The following RBFOX1 variants were observed in gnomAD, a reference collection of about 807,000 sequenced individuals.
RBFOX1 encodes RNA binding protein fox-1 homolog 1.
Under a neutral mutation model 57.7 loss-of-function variants are expected in RBFOX1, and 8 were observed. The observed-to-expected ratio is 0.14, with a 90% CI of 0.08 to 0.25. RBFOX1 has a LOEUF of 0.25. RBFOX1 is among the 10% of genes least tolerant of loss of function. The pLI is 1.00. For synonymous variants in RBFOX1, 326 were observed against 222.4 expected (o/e 1.47, Z -4.15); for missense variants, 611 against 548.5 (o/e 1.11, Z -1.14).
chr16:6,843,144 A>G (rs1028806403), intron 3 of RBFOX1, among the ~76,000 whole-genome samples: 1 of 152,138 alleles, frequency 6.6e-6, no homozygotes, highest in Non-Finnish European at 1.5e-5. Context: ...AACATAACAC[A>G]TTTTAAGCAT....
intron 4 of RBFOX1, among the ~76,000 whole-genome samples, chr16:7,147,869 T>C (rs565497456): frequency 3.1e-4 from 47 of 152,306 alleles, no homozygotes; most frequent in African/African-American, 1.1e-3. Context: ...GGTAGTTCTG[T>C]TTAAGCCCTT....
intron 2 of RBFOX1, among the ~76,000 whole-genome samples, chr16:5,573,858 G>A (rs753553036): frequency 2.0e-5 from 3 of 152,198 alleles, no homozygotes; most frequent in Non-Finnish European, 4.4e-5. Context: ...GGAGGCTGAT[G>A]TGTGAGGATC....
chr16:7,286,736 G>A (rs749086136), intron 4 of RBFOX1, among the ~76,000 whole-genome samples: 10 of 147,406 alleles, frequency 6.8e-5, no homozygotes, highest in South Asian at 2.2e-4. Flanking sequence ...CCATTCTCCC[G>A]CCTCAGCCTC....
intron 2 of RBFOX1, among the ~76,000 whole-genome samples, chr16:6,541,682 T>C (rs760889301): frequency 2.0e-5 from 3 of 152,162 alleles, no homozygotes; most frequent in Non-Finnish European, 4.4e-5. Flanking sequence ...AGAATATCAA[T>C]TCTGGGCAAA....
chr16:6,956,363 C>G (rs1222516372), intron 3 of RBFOX1, among the ~76,000 whole-genome samples: 1 of 152,198 alleles, frequency 6.6e-6, no homozygotes, highest in African/African-American at 2.4e-5. Context: ...TGCTGGAGTT[C>G]TTCAGTGTCA....
intron 4 of RBFOX1, among the ~76,000 whole-genome samples, chr16:7,373,765 G>A (rs2097625211): frequency 6.6e-6 from 1 of 152,160 alleles, no homozygotes. Flanking sequence ...TATTGAGGAA[G>A]CCACCAGGCC....
chr16:6,769,377 C>T (rs1471007352), intron 3 of RBFOX1, among the ~76,000 whole-genome samples: 1 of 152,162 alleles, frequency 6.6e-6, no homozygotes, highest in Non-Finnish European at 1.5e-5. Context: ...TTGAGTATGT[C>T]TTTATCAGCA....
At chr16:6,956,859 A>G (rs1450365108) in intron 3 of RBFOX1, among the ~76,000 whole-genome samples, 1 of 152,062 alleles carries the variant, frequency 6.6e-6, no homozygotes, top group East Asian at 1.9e-4. Flanking sequence ...CTGGGTATTC[A>G]AGGTGACTTC....
At chr16:5,912,500 C>T (rs920981402) in intron 4 of RBFOX1, among the ~76,000 whole-genome samples, 15 of 152,176 alleles carry the variant, frequency 9.9e-5, no homozygotes, top group Non-Finnish European at 2.2e-4. Context: ...AGTCCCACTA[C>T]ATCACACAAT....
intron 2 of RBFOX1, among the ~76,000 whole-genome samples, chr16:6,644,170 G>A (rs898677331): frequency 3.9e-5 from 6 of 152,116 alleles, no homozygotes; most frequent in Non-Finnish European, 5.9e-5. Flanking sequence ...TATGCTCTTA[G>A]TCTTAGCATC....
rs2095114324 is a variant in RBFOX1 at position 6,023,020 on chromosome 16, A to G, written c.-127+3028A>G. Among the ~76,000 whole-genome samples the G allele has an allele frequency of 2.0e-5, 3 of 152,084 alleles. No homozygotes were observed. The South Asian group carries it at 6.2e-4, about 32-fold the overall frequency. On this transcript the variant is annotated intron_variant, in intron 1 of 15. Coordinates refer to ENST00000550418, the MANE Select transcript of RBFOX1 (RefSeq NM_018723.4). ...AAAATCGTCAAACTCATAGAAGCAG[A>G]GAGTAGAAGGTTGTGGCCAGGGTCT...
At chr16:6,601,470 T>C (rs2097852151) in intron 2 of RBFOX1, among the ~76,000 whole-genome samples, 1 of 152,030 alleles carries the variant, frequency 6.6e-6, no homozygotes, top group Non-Finnish European at 1.5e-5. Flanking sequence ...TTTGAGAAAT[T>C]TTAAGGGAAC....
Position 7,395,416 on chromosome 16 carries a change from A to T in RBFOX1, c.28-122731A>T, listed in dbSNP as rs139012991. 7.2e-5 allele frequency among the ~76,000 whole-genome samples: 11 copies of T among 152,356 alleles called. No individual in the cohort carries two copies. The East Asian group carries it at 1.9e-3, about 27-fold the overall frequency. On this transcript the variant is annotated intron_variant, in intron 4 of 15. Coordinates refer to ENST00000550418, the MANE Select transcript of RBFOX1 (RefSeq NM_018723.4). The stretch of plus-strand genomic sequence containing the variant: ...CGCTTTGTTCAGCTGTAAATGAAAC[A>T]TTAGGGTATTAACTGTGGAGCCAGA...
At chr16:6,067,437 T>C (rs570283841) in intron 1 of RBFOX1, among the ~76,000 whole-genome samples, 38 of 152,076 alleles carry the variant, frequency 2.5e-4, no homozygotes, top group Non-Finnish European at 4.6e-4. Flanking sequence ...AATGCCTGGA[T>C]AGGAATTCAA....
chr16:7,577,453 T>G (rs979230806), intron 5 of RBFOX1, among the ~76,000 whole-genome samples: 1 of 152,228 alleles, frequency 6.6e-6, no homozygotes, highest in African/African-American at 2.4e-5. Context: ...TGCCCTGTCT[T>G]GGAATAGCCT....
intron 2 of RBFOX1, among the ~76,000 whole-genome samples, chr16:5,575,693 A>G (rs1567248050): frequency 6.6e-6 from 1 of 152,196 alleles, no homozygotes; most frequent in Non-Finnish European, 1.5e-5. Context: ...ACCAGTGAAT[A>G]ATCCATTTGC....
chr16:7,009,626 A>T (rs1024861300), intron 3 of RBFOX1, among the ~76,000 whole-genome samples: 1 of 152,174 alleles, frequency 6.6e-6, no homozygotes, highest in Non-Finnish European at 1.5e-5. Flanking sequence ...GATGTATAGC[A>T]TATTGGAATT....
chr16:6,165,267 C>T (rs2096908895), intron 1 of RBFOX1, among the ~76,000 whole-genome samples: 1 of 152,092 alleles, frequency 6.6e-6, no homozygotes, highest in African/African-American at 2.4e-5. Flanking sequence ...TAAATGACAG[C>T]TCATTATCAT....
At chr16:6,913,111 C>A (rs576004892) in intron 3 of RBFOX1, among the ~76,000 whole-genome samples, 1 of 152,282 alleles carries the variant, frequency 6.6e-6, no homozygotes, top group East Asian at 1.9e-4. Context: ...TGTCCACCCA[C>A]CAGGCCGCTG....
Sources: allele counts gnomAD v4.1 joint callset (sites outside exome capture counted in the v4.1 genomes callset), GRCh38; gene constraint gnomAD v4.1.1; transcripts MANE v1.5; gene names NCBI Gene and HGNC (gene_info 2026-07-23, HGNC 2026-07-21).